The following ZNF638 variants were observed in gnomAD, a reference collection of about 807,000 sequenced individuals.
The protein encoded by ZNF638 is CTCL tumor antigen se33-1.
ZNF638 carries 46 observed loss-of-function variants against 195.6 expected under a neutral mutation model. The ratio of observed to expected loss-of-function variants is 0.24; its 90% confidence interval spans 0.19 to 0.30. The LOEUF (loss-of-function observed/expected upper bound fraction) is 0.30, where lower values mean the gene tolerates loss of function less well. Ranked by LOEUF, ZNF638 falls within the 10% of genes least tolerant of loss-of-function variation. ZNF638 has a pLI of 1.00. For synonymous variants in ZNF638, 845 were observed against 772.0 expected, an observed-to-expected ratio of 1.09 and a Z score of -1.57; for missense variants, 2,440 against 2,325.3, an observed-to-expected ratio of 1.05 and a Z score of -1.01.
intron 16 of ZNF638, 76 bp downstream of exon 16, chr2:71,402,163 A>C: frequency 6.9e-7 from 1 of 1,457,782 alleles, no homozygotes; most frequent in African/African-American, 1.5e-5. Context: ...TACAAAACTA[A>C]AAAGAAAAGG....
intron 1 of ZNF638, chr2:71,332,951 A>C (rs1324187360): frequency 6.6e-6 from 1 of 152,200 alleles, no homozygotes; most frequent in Admixed American, 6.5e-5. Flanking sequence ...GGAATTTTGC[A>C]CAAAAAATTT....
chr2:71,419,448 T>C (rs1007135742), intron 21 of ZNF638, among the ~76,000 whole-genome samples: 1 of 152,250 alleles, frequency 6.6e-6, no homozygotes. Flanking sequence ...GCACTGATGT[T>C]AAGATCCCTG....
chr2:71,418,839 C>T lies in ZNF638; in HGVS notation c.3299+200C>T, dbSNP rs141308625. On this transcript the variant is annotated intron_variant, in intron 21 of 27. Transcript: ENST00000264447. Reference sequence around the variant, plus strand: ...TCGTTTGTTGCTTTTTATTTACTCTCATTTAAGTATTTACTGAATATTTAG... The same window carrying T: ...TCGTTTGTTGCTTTTTATTTACTCTTATTTAAGTATTTACTGAATATTTAG... 2.6e-5 allele frequency among the ~76,000 whole-genome samples: 4 copies of T among 152,240 alleles called. No homozygotes were observed. In the East Asian group the frequency reaches 7.7e-4, roughly 29 times the overall value.
chr2:71,351,285 G>T (rs753488463), intron 2 of ZNF638, among the ~76,000 whole-genome samples: 4 of 152,006 alleles, frequency 2.6e-5, no homozygotes, highest in African/African-American at 9.7e-5. Flanking sequence ...CTAGGTTTTC[G>T]TCAACATGAA....
chr2:71,357,881 A>G (rs553678205), intron 3 of ZNF638, among the ~76,000 whole-genome samples: 1 of 100,164 alleles, frequency 1.0e-5, no homozygotes, highest in African/African-American at 3.8e-5. Context: ...TTACAAATTG[A>G]AAGATTGTGG....
rs758251565 is a variant in ZNF638 at position 71,428,553 on chromosome 2, C to T, written c.5552C>T (p.Thr1851Ile). 2.5e-6 allele frequency: 4 copies of T among 1,612,344 alleles called. No homozygotes were observed. The highest frequency in any genetic ancestry group is 3.4e-6 in the Non-Finnish European group (4 of 1,179,428). Residue 1851 changes from threonine to isoleucine, a missense_variant, in exon 25 of 28, where the codon ACT becomes ATT. By Grantham distance (89) the Thr-to-Ile change is moderately conservative. This residue lies in a region of ZNF638 where 1,883 missense variants were observed against 1,739.1 expected (regional missense o/e 1.08). Transcript: ENST00000264447. The part of the protein sequence containing the change: ...TMIERHLTAK[T>I]PTKRVRIGKT... Reference sequence around the variant, plus strand: ...TAGGACTTTCTTTTTAAAGCTAAAACTCCAACCAAGAGAGTTAGAATTGGG... The same window carrying T: ...TAGGACTTTCTTTTTAAAGCTAAAATTCCAACCAAGAGAGTTAGAATTGGG...
chr2:71,391,824 C>T (rs370681212), intron 10 of ZNF638, among the ~76,000 whole-genome samples: 7 of 152,060 alleles, frequency 4.6e-5, no homozygotes, highest in Admixed American at 3.3e-4. Flanking sequence ...ATTTAACCCC[C>T]GCAGCAAAAA....
chr2:71,363,726 A>G (rs759184493), intron 4 of ZNF638, among the ~76,000 whole-genome samples: 1 of 152,228 alleles, frequency 6.6e-6, no homozygotes, highest in African/African-American at 2.4e-5. Flanking sequence ...AAACTAGAAA[A>G]CAGACATCCA....
At position 71,428,670 on chromosome 2, in the gene ZNF638, A is replaced by G. The variant is rs953352682; in HGVS notation, c.5650+19A>G. On this transcript the variant is annotated intron_variant, in intron 25 of 27. Coordinates refer to ENST00000264447, the MANE Select transcript of ZNF638 (RefSeq NM_014497.5). ...AGTGAAGGTAAAGCAGGATTGTTGG[A>G]ATGGGAAGGAAAGTTACACAACACA... 1.9e-6 allele frequency: 3 copies of G among 1,592,538 alleles called. No individual in the cohort carries two copies. The African/African-American group carries it at 4.0e-5, about 21-fold the overall frequency.
intron 1 of ZNF638, among the ~76,000 whole-genome samples, chr2:71,342,670 A>G (rs2078781815): frequency 8.0e-6 from 1 of 125,102 alleles, no homozygotes; most frequent in Non-Finnish European, 1.9e-5. Flanking sequence ...AGAAATGGAG[A>G]TTTTTGTGCG....
At chr2:71,368,570 T>G (rs1558847410) in intron 7 of ZNF638, 42 bp downstream of exon 7, 1 of 1,599,474 alleles carries the variant, frequency 6.3e-7, no homozygotes, top group South Asian at 1.1e-5. Flanking sequence ...ACAAAGTGAT[T>G]GCTTTAATGA....
intron 3 of ZNF638, 32 bp from the exon 4 acceptor site, chr2:71,363,121 C>G (rs1362897951): frequency 6.5e-7 from 1 of 1,528,348 alleles, no homozygotes. Flanking sequence ...CTGATTTTAG[C>G]TGTTAGTTAA....
intron 25 of ZNF638, 74 bp from the exon 26 acceptor site, chr2:71,431,253 A>C: frequency 7.6e-7 from 1 of 1,313,604 alleles, no homozygotes; most frequent in Non-Finnish European, 1.1e-6. Context: ...GAAAAAGGTA[A>C]GAATTATCCA....
Position 71,421,365 on chromosome 2 carries a change from T to TA in ZNF638, c.3300-1439dup, listed in dbSNP as rs61017341. 4.8e-3 allele frequency among the ~76,000 whole-genome samples: 667 copies of TA among 139,860 alleles called. 3 individuals carry two copies. The highest frequency in any genetic ancestry group is 8.0e-3 in the Non-Finnish European group (511 of 64,174). The allele number at this position is 139,860 out of a possible 152,430, so 91.8% of individuals were successfully genotyped here. A position where few individuals can be genotyped will look rare whatever the true frequency, so the allele number is the denominator to read the frequency against. ...TTGAAAAAAAGGGGTGTGATTATTT[T>TA]AAAAAAAAAACATTTTAGCATGCAA... On this transcript the variant is annotated intron_variant, in intron 21 of 27. Coordinates refer to ENST00000264447, the MANE Select transcript of ZNF638 (RefSeq NM_014497.5).
chr2:71,365,380 C>A, intron 5 of ZNF638, 49 bp from the exon 6 acceptor site: 1 of 1,436,936 alleles, frequency 7.0e-7, no homozygotes, highest in Non-Finnish European at 9.3e-7. Flanking sequence ...GAGATGGCTC[C>A]TACCTTAATT....
chr2:71,338,044 A>G (rs1366829129), intron 1 of ZNF638, among the ~76,000 whole-genome samples: 3 of 151,488 alleles, frequency 2.0e-5, no homozygotes, highest in Non-Finnish European at 4.4e-5. Context: ...TGTCCCCAGG[A>G]TATCAGATCT....
In ZNF638 at chr2:71,423,657, T is replaced by A; in HGVS notation, c.4143T>A (p.Ile1381=). Residue 1381 remains isoleucine (I), a synonymous_variant, in exon 22 of 28, where the codon ATT becomes ATA. Coordinates refer to ENST00000264447, the MANE Select transcript of ZNF638 (RefSeq NM_014497.5). ...CTGATGAAACTAGTAAAACTAGTAT[T>A]CTGGCTGTATCAGATGTATCTAGCA... ...NKPDETSKTS[I]LAVSDVSSSK... 6.2e-7 allele frequency: 1 copy of A among 1,613,798 alleles called. No homozygotes were observed.
At chr2:71,362,370 A>G (rs561288985) in intron 3 of ZNF638, among the ~76,000 whole-genome samples, 12 of 152,192 alleles carry the variant, frequency 7.9e-5, no homozygotes, top group African/African-American at 2.9e-4. Flanking sequence ...CCCTAATTCC[A>G]GATATTCCTT....
intron 27 of ZNF638, among the ~76,000 whole-genome samples, chr2:71,434,322 C>G (rs2080724302): frequency 6.6e-6 from 1 of 152,172 alleles, no homozygotes. Flanking sequence ...TTTTTCGTCT[C>G]AAATATCAGT....
Sources: allele counts gnomAD v4.1 joint callset (sites outside exome capture counted in the v4.1 genomes callset), GRCh38; gene constraint gnomAD v4.1.1; regional missense constraint gnomAD v4.1.1; transcripts MANE v1.5; gene names NCBI Gene and HGNC (gene_info 2026-07-23, HGNC 2026-07-21).